Variants in GATM observed in about 807,000 individuals in gnomAD.
GATM encodes glycine amidinotransferase.
Under a neutral mutation model 54.2 loss-of-function variants are expected in GATM, and 23 were observed. That is an observed-to-expected ratio of 0.42 (90% confidence interval 0.31 to 0.60). The LOEUF is 0.60. Ranked by LOEUF, GATM falls within the 20% of genes least tolerant of loss-of-function variation. GATM has a pLI of 0.14. For synonymous variants in GATM, 168 were observed against 183.1 expected, an observed-to-expected ratio of 0.92 and a Z score of 0.67; for missense variants, 401 against 544.9, an observed-to-expected ratio of 0.74 and a Z score of 2.63.
At chr15:45,386,757 G>GT (rs1889807997) in intron 3 of GATM, among the ~76,000 whole-genome samples, 1 of 152,178 alleles carries the variant, frequency 6.6e-6, no homozygotes, top group Non-Finnish European at 1.5e-5. Flanking sequence ...ACATTAGCCA[G>GT]TTTTCTGCAT....
chr15:45,385,550 A>G (rs1187467856), intron 3 of GATM, among the ~76,000 whole-genome samples: 3 of 152,214 alleles, frequency 2.0e-5, no homozygotes, highest in African/African-American at 7.2e-5. Flanking sequence ...GCACCACTAA[A>G]TAATGTTTAA....
exon 1 of GATM, chr15:45,402,156 C>T: frequency 2.0e-6 from 1 of 494,444 alleles, no homozygotes; most frequent in Non-Finnish European, 3.5e-6. Context: ...GAGCTTAAGC[C>T]GCCTCCCAGA....
intron 3 of GATM, among the ~76,000 whole-genome samples, chr15:45,392,431 T>G (rs966303837): frequency 1.3e-5 from 2 of 152,260 alleles, no homozygotes; most frequent in Non-Finnish European, 2.9e-5. Flanking sequence ...TCATCTCATT[T>G]GATTACCAGC....
intron 3 of GATM, among the ~76,000 whole-genome samples, chr15:45,391,929 G>A (rs1275620429): frequency 1.3e-5 from 2 of 152,234 alleles, no homozygotes; most frequent in African/African-American, 4.8e-5. Context: ...CCCTATGGCA[G>A]AGTAAAACAC....
At chr15:45,394,760 C>G (rs1028277173) in intron 3 of GATM, among the ~76,000 whole-genome samples, 1 of 152,182 alleles carries the variant, frequency 6.6e-6, no homozygotes, top group African/African-American at 2.4e-5. Flanking sequence ...ACAAATGAAA[C>G]ATTCAGTACC....
At chr15:45,383,656 A>G (rs1294314402) in intron 3 of GATM, among the ~76,000 whole-genome samples, 1 of 151,354 alleles carries the variant, frequency 6.6e-6, no homozygotes, top group Non-Finnish European at 1.5e-5. Flanking sequence ...GTGCAGTGGC[A>G]TGATCTCAGC....
At chr15:45,390,829 T>G (rs1042724172) in intron 3 of GATM, among the ~76,000 whole-genome samples, 1 of 152,184 alleles carries the variant, frequency 6.6e-6, no homozygotes, top group Non-Finnish European at 1.5e-5. Flanking sequence ...CTTTCAACTA[T>G]GAGAAGTCTT....
At position 45,372,171 on chromosome 15, in the gene GATM, T is replaced by C. The variant is rs560837813; in HGVS notation, c.289-2650A>G. On this transcript the variant is annotated intron_variant, in intron 2 of 8. Transcript: ENST00000396659. ...TTTACAGGAACGCAGGCACATTCATTTGTTTACGTATTGTCTATGGCTGCT... is the reference window on the plus strand; with the variant it reads ...TTTACAGGAACGCAGGCACATTCATCTGTTTACGTATTGTCTATGGCTGCT... Among the ~76,000 whole-genome samples the C allele has an allele frequency of 4.6e-5, 7 of 152,312 alleles. No homozygotes were observed. The South Asian group carries it at 1.0e-3, about 23-fold the overall frequency.
chr15:45,363,905 T>A lies in GATM; in HGVS notation c.1154A>T (p.Lys385Met). ...NEVPIQKMFE[K>M]LGITTIKVNI... ...GTTTCATTTGTTGTACATACCCAGC[T>A]TTTCAAACATCTTTTGAATTGGAAC... Residue 385 changes from lysine (K) to methionine (M), a missense_variant, in exon 8 of 9, where the codon AAG becomes ATG. This residue lies in a region of GATM where 321 missense variants were observed against 457.5 expected (regional missense o/e 0.70). Coordinates refer to ENST00000396659, the MANE Select transcript of GATM (RefSeq NM_001482.3). The A allele has an allele frequency of 1.3e-6, 2 of 1,591,856 alleles. No individual in the cohort carries two copies. Among genetic ancestry groups the A allele is most frequent in the Non-Finnish European group, 1.7e-6 (2 of 1,160,240 alleles).
intron 4 of GATM, among the ~76,000 whole-genome samples, chr15:45,366,744 G>A (rs1347465143): frequency 2.6e-5 from 4 of 152,260 alleles, no homozygotes; most frequent in Middle Eastern, 3.4e-3. Flanking sequence ...CTTTACCCAT[G>A]ATTTCACTTT....
Position 45,368,310 on chromosome 15 carries a change from G to C in GATM, c.485-50C>G, listed in dbSNP as rs1189375144. ...CAACTTCAGTAGTGTTAATTTCCAA[G>C]ACAAAAAAGGTCTATATAGGGCCAG... On this transcript the variant is annotated intron_variant, in intron 3 of 8. Transcript: ENST00000396659. This position sits in a 1 kb window ranked among gnomAD's most constrained non-coding sequence, Gnocchi z 5.1. 1 of 1,551,802 alleles carries C rather than the reference G, an allele frequency of 6.4e-7. No homozygotes were observed. Among genetic ancestry groups the C allele is most frequent in the Non-Finnish European group, 8.9e-7 (1 of 1,128,402 alleles).
chr15:45,362,336 A>G lies in GATM; in HGVS notation c.1160-115T>C, dbSNP rs1889378833. The G allele has an allele frequency of 5.7e-6, 4 of 705,398 alleles. No individual in the cohort carries two copies. The South Asian group carries it at 6.0e-5, about 11-fold the overall frequency. 43.7% of individuals were successfully genotyped at this position (705,398 alleles called of 1,614,324 possible). A position where few individuals can be genotyped will look rare whatever the true frequency, so the allele number is the denominator to read the frequency against. On this transcript the variant is annotated intron_variant, in intron 8 of 8. Transcript: ENST00000396659. Reference sequence around the variant, plus strand: ...TGGTTCTAATCCTTAAGGATACCCAACCCAGAATAGTATTTTCTCTTCCAA... The same window carrying G: ...TGGTTCTAATCCTTAAGGATACCCAGCCCAGAATAGTATTTTCTCTTCCAA...
intron 2 of GATM, among the ~76,000 whole-genome samples, chr15:45,375,061 A>G (rs1349629729): frequency 1.3e-5 from 2 of 152,042 alleles, no homozygotes; most frequent in Admixed American, 1.3e-4. Flanking sequence ...AAAAACCACT[A>G]GGAGTTTTTG....
chr15:45,362,334 C>A, intron 8 of GATM, 113 bp from the exon 9 acceptor site: 1 of 715,226 alleles, frequency 1.4e-6, no homozygotes, highest in South Asian at 1.5e-5. Flanking sequence ...TAAGGATACC[C>A]AACCCAGAAT....
chr15:45,377,181 T>C (rs1889653130), intron 1 of GATM: 1 of 468,498 alleles, frequency 2.1e-6, no homozygotes, highest in Non-Finnish European at 4.3e-6. Context: ...CAGAAAACCA[T>C]AGACAGCTGC....
At chr15:45,369,630 C>A in intron 2 of GATM, 109 bp from the exon 3 acceptor site, 1 of 913,774 alleles carries the variant, frequency 1.1e-6, no homozygotes, top group Non-Finnish European at 1.7e-6. Flanking sequence ...ATTGAGACTC[C>A]AACCACTCCA....
intron 3 of GATM, among the ~76,000 whole-genome samples, chr15:45,392,328 C>T (rs979979231): frequency 3.9e-5 from 6 of 152,212 alleles, no homozygotes; most frequent in African/African-American, 1.4e-4. Context: ...CTCTACGTGA[C>T]TACAACACTC....
At chr15:45,389,686 A>G (rs1889846160) in intron 3 of GATM, among the ~76,000 whole-genome samples, 1 of 152,082 alleles carries the variant, frequency 6.6e-6, no homozygotes, top group Non-Finnish European at 1.5e-5. Flanking sequence ...TAAGGTTTGT[A>G]TCTTGGAGTA....
At chr15:45,381,810 CTAAAG>C (rs1258167538), upstream of GATM, among the ~76,000 whole-genome samples, 1 of 152,156 alleles carries the variant, frequency 6.6e-6, no homozygotes, top group African/African-American at 2.4e-5. Flanking sequence ...AACAAGGTGA[CTAAAG>C]TATATTCTCA....
Sources: gnomAD v4.1 joint callset for allele counts (sites outside exome capture counted in the v4.1 genomes callset) on GRCh38, gnomAD v4.1.1 for gene constraint, gnomAD v4.1.1 regional missense constraint, Gnocchi (gnomAD v3.1) non-coding constraint, MANE v1.5 for transcripts, NCBI Gene and HGNC (gene_info 2026-07-23, HGNC 2026-07-21) for gene names.